Variants in MTUS2 observed in about 807,000 individuals in gnomAD.
MTUS2 encodes microtubule-associated tumor suppressor candidate 2.
A neutral mutation model predicts 114.1 loss-of-function variants in MTUS2; 40 were observed. The observed-to-expected ratio is 0.35, with a 90% CI of 0.27 to 0.46. The LOEUF is 0.46. Ranked by LOEUF, MTUS2 falls within the 20% of genes least tolerant of loss-of-function variation. The probability of loss-of-function intolerance (pLI) is 1.00; values close to 1 mark genes in which losing one functional copy is unlikely to be tolerated. For synonymous variants in MTUS2, 688 were observed against 672.0 expected (o/e 1.02, Z -0.37); for missense variants, 1,679 against 1,705.4 (o/e 0.98, Z 0.27).
chr13:29,476,845 GAAA>G (rs1261537553), intron 9 of MTUS2: 5 of 152,190 alleles, frequency 3.3e-5, no homozygotes, highest in Non-Finnish European at 1.5e-5. Context: ...CCTTGCAGGT[GAAA>G]AATGATTGCC....
At chr13:29,177,096 G>C (rs1593561857) in intron 5 of MTUS2, among the ~76,000 whole-genome samples, 1 of 151,302 alleles carries the variant, frequency 6.6e-6, no homozygotes, top group East Asian at 1.9e-4. Flanking sequence ...GGCCACCCAT[G>C]TTGGTGCAGA....
chr13:29,221,876 T>C (rs894869187), intron 5 of MTUS2, among the ~76,000 whole-genome samples: 1 of 152,212 alleles, frequency 6.6e-6, no homozygotes, highest in Non-Finnish European at 1.5e-5. Context: ...TTTCATATTA[T>C]AGTTCTTATT....
chr13:29,461,780 T>C (rs1019661931), intron 9 of MTUS2, among the ~76,000 whole-genome samples: 1 of 152,244 alleles, frequency 6.6e-6, no homozygotes, highest in Non-Finnish European at 1.5e-5. Flanking sequence ...TTATCATGAA[T>C]GTAGCTGTAA....
chr13:29,479,509 A>G (rs1184242703), intron 9 of MTUS2, among the ~76,000 whole-genome samples: 1 of 152,200 alleles, frequency 6.6e-6, no homozygotes, highest in Admixed American at 6.5e-5. Flanking sequence ...TGAATCTGTG[A>G]TTAGGGGTGG....
intron 5 of MTUS2, among the ~76,000 whole-genome samples, chr13:29,167,040 C>G (rs1225310704): frequency 6.6e-6 from 1 of 152,058 alleles, no homozygotes; most frequent in African/African-American, 2.4e-5. Flanking sequence ...AGATATAATT[C>G]TTGAGTATTC....
intron 6 of MTUS2, among the ~76,000 whole-genome samples, chr13:29,291,970 C>CA (rs1219645240): frequency 2.0e-5 from 3 of 152,142 alleles, no homozygotes; most frequent in African/African-American, 7.2e-5. Flanking sequence ...TTTAGCTTTG[C>CA]ATGTATCCTG....
intron 4 of MTUS2, among the ~76,000 whole-genome samples, chr13:29,066,384 C>T (rs1888667359): frequency 6.6e-6 from 1 of 152,166 alleles, no homozygotes; most frequent in Non-Finnish European, 1.5e-5. Flanking sequence ...TTAATAATAG[C>T]AATGCAGTGG....
chr13:29,259,411 C>T (rs527388767), intron 5 of MTUS2, among the ~76,000 whole-genome samples: 1 of 152,286 alleles, frequency 6.6e-6, no homozygotes, highest in Admixed American at 6.5e-5. Flanking sequence ...TCATAAAATT[C>T]AGAGGCAAAG....
chr13:28,957,510 A>G (rs544846772), intron 2 of MTUS2, among the ~76,000 whole-genome samples: 42 of 152,174 alleles, frequency 2.8e-4, no homozygotes, highest in South Asian at 1.2e-3. Flanking sequence ...TTTTCTTGTC[A>G]CTCTTTCTTA....
intron 5 of MTUS2, among the ~76,000 whole-genome samples, chr13:29,116,066 C>T (rs983032168): frequency 6.6e-5 from 10 of 152,072 alleles, no homozygotes; most frequent in African/African-American, 1.9e-4. Flanking sequence ...TGGAGCATAC[C>T]GAGACATAAG....
At chr13:29,174,401 C>A (rs981391723) in intron 5 of MTUS2, among the ~76,000 whole-genome samples, 1 of 152,172 alleles carries the variant, frequency 6.6e-6, no homozygotes, top group African/African-American at 2.4e-5. Flanking sequence ...ATTTAAAAAA[C>A]CAGTGAGCCA....
chr13:28,955,721 C>T (rs959550911), intron 2 of MTUS2, among the ~76,000 whole-genome samples: 2 of 152,038 alleles, frequency 1.3e-5, no homozygotes, highest in Non-Finnish European at 1.5e-5. Flanking sequence ...GAGGTTGACA[C>T]TTTATCACTC....
chr13:29,113,238 G>A (rs1396461606), intron 5 of MTUS2, among the ~76,000 whole-genome samples: 3 of 152,170 alleles, frequency 2.0e-5, no homozygotes, highest in Non-Finnish European at 4.4e-5. Context: ...GATGTATGCA[G>A]CCCTGAGCCT....
chr13:29,502,997 C>T lies in MTUS2; in HGVS notation c.3901C>T (p.Leu1301=). 6.2e-7 allele frequency: 1 copy of T among 1,614,054 alleles called. No homozygotes were observed. Among genetic ancestry groups the T allele is most frequent in the Non-Finnish European group, 8.5e-7 (1 of 1,179,972 alleles). ...IDQNTVVTRQ[L]SEENANLQEY... ...TTTGTCATTGTGCCCATGCAGACAGCTGTCGGAGGAAAATGCTAACCTCCA... is the reference window on the plus strand; with the variant it reads ...TTTGTCATTGTGCCCATGCAGACAGTTGTCGGAGGAAAATGCTAACCTCCA... The change falls in exon 16 of 16, where the codon CTG becomes TTG. Residue 1301 remains leucine, a synonymous_variant. Coordinates refer to ENST00000612955, the MANE Select transcript of MTUS2 (RefSeq NM_001033602.4).
chr13:29,362,658 G>A (rs1870366718), intron 8 of MTUS2, among the ~76,000 whole-genome samples: 1 of 152,152 alleles, frequency 6.6e-6, no homozygotes. Flanking sequence ...CTGCACTCCA[G>A]CCTTGGTGAC....
At chr13:29,240,096 A>T (rs1421212514) in intron 5 of MTUS2, 1 of 152,172 alleles carries the variant, frequency 6.6e-6, no homozygotes, top group African/African-American at 2.4e-5. Flanking sequence ...AATGTCAGAG[A>T]AAACCTCTTC....
chr13:29,068,922 C>T (rs1216790085), intron 4 of MTUS2, among the ~76,000 whole-genome samples: 3 of 152,100 alleles, frequency 2.0e-5, no homozygotes, highest in African/African-American at 7.2e-5. Context: ...TACGATCCTC[C>T]TTCTTTTTTA....
rs755842647 is a variant in MTUS2 at position 29,281,387 on chromosome 13, CTG to C, written c.2645-304_2645-303del. ...ACATTTGCACATACACATAAGCGAA[CTG>C]TGTGTGTGTGTGCATGTATGTATGT... On this transcript the variant is annotated intron_variant, in intron 5 of 15. Transcript: ENST00000612955. 6.7e-5 allele frequency among the ~76,000 whole-genome samples: 10 copies of C among 149,994 alleles called. No individual in the cohort carries two copies. In the South Asian group the frequency reaches 8.5e-4, roughly 13 times the overall value.
rs536292184 is a variant in MTUS2 at position 29,249,131 on chromosome 13, G to A, written c.2645-32573G>A. On this transcript the variant is annotated intron_variant, in intron 5 of 15. Transcript: ENST00000612955. ...GCTTCCCAAGTAGCTGGGACTACAGGCGTGCACCACTATGCCTGGCTAATT... is the reference window on the plus strand; with the variant it reads ...GCTTCCCAAGTAGCTGGGACTACAGACGTGCACCACTATGCCTGGCTAATT... 1.8e-4 allele frequency among the ~76,000 whole-genome samples: 28 copies of A among 152,180 alleles called. 1 individual carries two copies. Among genetic ancestry groups the A allele is most frequent in the African/African-American group, 6.3e-4 (26 of 41,522 alleles).
Sources: allele counts gnomAD v4.1 joint callset (sites outside exome capture counted in the v4.1 genomes callset), GRCh38; gene constraint gnomAD v4.1.1; transcripts MANE v1.5; gene names NCBI Gene and HGNC (gene_info 2026-07-23, HGNC 2026-07-21).